RASAL2: variants seen among roughly 807,000 people sequenced by gnomAD.
The protein encoded by RASAL2 is RAS protein activator like 2.
A neutral mutation model predicts 128.9 loss-of-function variants in RASAL2; 58 were observed. That is an observed-to-expected ratio of 0.45 (90% CI 0.36 to 0.56). The LOEUF (loss-of-function observed/expected upper bound fraction) is 0.56, where lower values mean the gene tolerates loss of function less well. Among genes scored for constraint, RASAL2 ranks in the 20% least tolerant of loss-of-function variants. The pLI is 0.00. For missense variants in RASAL2, 1,360 were observed against 1,601.6 expected, an observed-to-expected ratio of 0.85 and a Z score of 2.57; for synonymous variants, 561 against 580.8, an observed-to-expected ratio of 0.97 and a Z score of 0.49.
chr1:178,345,966 C>T (rs1670130753), intron 3 of RASAL2, among the ~76,000 whole-genome samples: 2 of 152,166 alleles, frequency 1.3e-5, no homozygotes, highest in South Asian at 4.2e-4. Flanking sequence ...GAAACTAATC[C>T]CTCAAACAAA....
intron 3 of RASAL2, among the ~76,000 whole-genome samples, chr1:178,359,966 A>C (rs1274594522): frequency 6.6e-6 from 1 of 152,204 alleles, no homozygotes; most frequent in African/African-American, 2.4e-5. Flanking sequence ...GTCCCACAAC[A>C]CATGAGTCTG....
At chr1:178,256,670 A>G (rs1665358761) in intron 1 of RASAL2, among the ~76,000 whole-genome samples, 7 of 152,124 alleles carry the variant, frequency 4.6e-5, no homozygotes, top group Admixed American at 4.6e-4. Flanking sequence ...GTATAGAAAA[A>G]TCAGTGTTTT....
chr1:178,404,684 A>ATTTT (rs61625303), intron 4 of RASAL2, among the ~76,000 whole-genome samples: 4 of 110,344 alleles, frequency 3.6e-5, no homozygotes, highest in Non-Finnish European at 7.3e-5. Flanking sequence ...TGGCCCCCCA[A>ATTTT]TTTTTTTTTT....
At chr1:178,341,106 C>T (rs866212974) in intron 3 of RASAL2, among the ~76,000 whole-genome samples, 36 of 152,230 alleles carry the variant, frequency 2.4e-4, no homozygotes, top group African/African-American at 7.0e-4. Context: ...GGTTTTTATA[C>T]TCTGAAGAGT....
At chr1:178,421,368 G>A (rs924874228) in intron 5 of RASAL2, among the ~76,000 whole-genome samples, 7 of 151,996 alleles carry the variant, frequency 4.6e-5, no homozygotes, top group South Asian at 2.1e-4. Context: ...ATCATGTCTC[G>A]ATAATGTTCA....
At chr1:178,309,985 G>A (rs897558688) in intron 3 of RASAL2, among the ~76,000 whole-genome samples, 1 of 152,156 alleles carries the variant, frequency 6.6e-6, no homozygotes, top group African/African-American at 2.4e-5. Context: ...ATCTGAATAT[G>A]AACATCTTGT....
intron 3 of RASAL2, among the ~76,000 whole-genome samples, chr1:178,367,671 A>G (rs1571939322): frequency 6.6e-6 from 1 of 152,214 alleles, no homozygotes; most frequent in Non-Finnish European, 1.5e-5. Context: ...AAAGGGCTAC[A>G]TATTTTATGC....
chr1:178,454,250 A>G (rs573257499), intron 11 of RASAL2, among the ~76,000 whole-genome samples, 197 bp from the exon 12 acceptor site: 150 of 151,916 alleles, frequency 9.9e-4, no homozygotes, highest in Middle Eastern at 3.4e-3. Context: ...GAGAATAGAA[A>G]GCTATTCTCA....
At chr1:178,320,014 A>T (rs1668678118) in intron 3 of RASAL2, among the ~76,000 whole-genome samples, 2 of 151,476 alleles carry the variant, frequency 1.3e-5, no homozygotes, top group Admixed American at 1.3e-4. Flanking sequence ...CTTCTAACAG[A>T]CAGGACCCTC....
At chr1:178,225,473 C>A (rs1663753545) in intron 1 of RASAL2, among the ~76,000 whole-genome samples, 1 of 151,746 alleles carries the variant, frequency 6.6e-6, no homozygotes, top group Non-Finnish European at 1.5e-5. Context: ...ACCTTTCTAT[C>A]TTGTCTCTTG....
intron 1 of RASAL2, among the ~76,000 whole-genome samples, chr1:178,232,968 A>G (rs560362963): frequency 6.6e-6 from 1 of 152,304 alleles, no homozygotes; most frequent in African/African-American, 2.4e-5. Context: ...ATTTCCCGAA[A>G]GCCTATTACA....
chr1:178,191,630 G>A (rs1040928837), intron 1 of RASAL2, among the ~76,000 whole-genome samples: 12 of 152,170 alleles, frequency 7.9e-5, no homozygotes, highest in Non-Finnish European at 2.9e-5. Flanking sequence ...TTCAAATGCT[G>A]TCTTGTCTTC....
At chr1:178,194,314 T>A (rs1379298742) in intron 1 of RASAL2, 1 of 224,054 alleles carries the variant, frequency 4.5e-6, no homozygotes, top group Non-Finnish European at 9.9e-6. Context: ...CAGCATTTAC[T>A]ACAAAACTCC....
At chr1:178,418,403 A>G (rs1021133137) in intron 4 of RASAL2, among the ~76,000 whole-genome samples, 30 of 152,196 alleles carry the variant, frequency 2.0e-4, no homozygotes, top group African/African-American at 6.5e-4. Flanking sequence ...CTTCATCCTC[A>G]TCATCTTCAC....
At chr1:178,257,974 A>T (rs1665460811) in intron 1 of RASAL2, among the ~76,000 whole-genome samples, 1 of 152,102 alleles carries the variant, frequency 6.6e-6, no homozygotes, top group African/African-American at 2.4e-5. Context: ...CTTCATCAAT[A>T]TTTAAAACAA....
chr1:178,175,473 A>G (rs1661853088), intron 1 of RASAL2, among the ~76,000 whole-genome samples: 3 of 49,932 alleles, frequency 6.0e-5, no homozygotes, highest in Non-Finnish European at 9.0e-5. Context: ...TGTGTGTGTG[A>G]TAACTATGCC....
intron 14 of RASAL2, among the ~76,000 whole-genome samples, 161 bp from the exon 15 acceptor site, chr1:178,464,117 C>T (rs1272168900): frequency 1.3e-5 from 2 of 152,114 alleles, no homozygotes; most frequent in Non-Finnish European, 2.9e-5. Flanking sequence ...ATTCTCTTTC[C>T]CCACCCCTAG....
chr1:178,340,701 G>A (rs1355155208), intron 3 of RASAL2, among the ~76,000 whole-genome samples: 1 of 152,066 alleles, frequency 6.6e-6, no homozygotes, highest in African/African-American at 2.4e-5. Flanking sequence ...ATTTTGAGGA[G>A]GAAATCAGGC....
At chr1:178,317,331 CT>C (rs1247626485) in intron 3 of RASAL2, among the ~76,000 whole-genome samples, 1 of 147,168 alleles carries the variant, frequency 6.8e-6, no homozygotes, top group Non-Finnish European at 1.5e-5. Flanking sequence ...AGGATTCTCT[CT>C]TTTTCTATTG....
Sources: allele counts gnomAD v4.1 joint callset (sites outside exome capture counted in the v4.1 genomes callset), GRCh38; gene constraint gnomAD v4.1.1; transcripts MANE v1.5; gene names NCBI Gene and HGNC (gene_info 2026-07-23, HGNC 2026-07-21).